The following SH3RF1 variants were observed in gnomAD, a reference collection of about 807,000 sequenced individuals.
The protein encoded by SH3RF1 is SH3 domain containing ring finger 1.
In SH3RF1, 32 loss-of-function variants were observed where a neutral mutation model predicts 74.0. That is an observed-to-expected ratio of 0.43 (90% CI 0.33 to 0.58). The LOEUF is 0.58. Ranked by LOEUF, SH3RF1 falls within the 20% of genes least tolerant of loss-of-function variation. The pLI is 0.05. For synonymous variants in SH3RF1, 396 were observed against 439.6 expected, an observed-to-expected ratio of 0.90 and a Z score of 1.24; for missense variants, 954 against 1,130.9, an observed-to-expected ratio of 0.84 and a Z score of 2.24.
intron 2 of SH3RF1, among the ~76,000 whole-genome samples, chr4:169,187,012 C>CA (rs11435790): frequency 0.57 from 71,998 of 127,168 alleles, 19,821 homozygotes; most frequent in East Asian, 0.88. Flanking sequence ...GGCTCCATCG[C>CA]AAAAAAAAAA....
At chr4:169,145,094 A>C (rs1352376520) in intron 4 of SH3RF1, among the ~76,000 whole-genome samples, 2 of 152,210 alleles carry the variant, frequency 1.3e-5, no homozygotes, top group African/African-American at 4.8e-5. Flanking sequence ...ATATACCCAA[A>C]GGAAAAGAAA....
intron 2 of SH3RF1, among the ~76,000 whole-genome samples, chr4:169,254,525 A>G (rs1163670386): frequency 6.6e-6 from 1 of 152,220 alleles, no homozygotes; most frequent in African/African-American, 2.4e-5. Flanking sequence ...AATTGCTGAC[A>G]CTATCGTAAA....
intron 2 of SH3RF1, among the ~76,000 whole-genome samples, chr4:169,183,893 T>A (rs765374089): frequency 6.6e-6 from 1 of 152,226 alleles, no homozygotes; most frequent in Non-Finnish European, 1.5e-5. Context: ...TTTATTTCTA[T>A]AAAATCATGA....
intron 4 of SH3RF1, among the ~76,000 whole-genome samples, chr4:169,152,173 G>A (rs1049625483): frequency 1.3e-5 from 2 of 152,078 alleles, no homozygotes; most frequent in Admixed American, 6.6e-5. Flanking sequence ...GTGAAGAAAG[G>A]GCCTGTCTAA....
At position 169,094,562 on chromosome 4, in the gene SH3RF1, T is replaced by G. The variant is rs1732880362; in HGVS notation, c.*1957A>C. ...CAGGTAAAAAAATTATCTTAACCTG[T>G]AGTAGTCTTTTTTCTTTTTAAAATT... On this transcript the variant is annotated 3_prime_UTR_variant, in exon 12 of 12. Coordinates refer to ENST00000284637, the MANE Select transcript of SH3RF1 (RefSeq NM_020870.4). The G allele has an allele frequency of 6.6e-6, 1 of 152,164 alleles. No individual in the cohort carries two copies. The highest frequency in any genetic ancestry group is 2.4e-5 in the African/African-American group (1 of 41,444). 9.4% of individuals were successfully genotyped at this position (152,164 alleles called of 1,614,324 possible). A position where few individuals can be genotyped will look rare whatever the true frequency, so the allele number is the denominator to read the frequency against.
chr4:169,178,278 T>G (rs1734453480), intron 2 of SH3RF1, among the ~76,000 whole-genome samples: 1 of 49,220 alleles, frequency 2.0e-5, no homozygotes, highest in Non-Finnish European at 4.9e-5. Context: ...AAAAATTTTT[T>G]TTTAAATAAG....
chr4:169,144,078 T>G (rs918138483), intron 4 of SH3RF1, among the ~76,000 whole-genome samples: 50 of 152,190 alleles, frequency 3.3e-4, no homozygotes, highest in African/African-American at 1.2e-3. Context: ...ATGGTTTTGG[T>G]TTCCCTAGCT....
chr4:169,255,628 C>T (rs1196506790), intron 2 of SH3RF1, among the ~76,000 whole-genome samples: 4 of 145,606 alleles, frequency 2.7e-5, no homozygotes, highest in Non-Finnish European at 6.0e-5. Flanking sequence ...CACATACACA[C>T]ACACACACAC....
rs1304608991 is a variant in SH3RF1 at position 169,096,478 on chromosome 4, G to A, written c.*41C>T. 1.3e-6 allele frequency: 2 copies of A among 1,597,030 alleles called. No individual in the cohort carries two copies. Among genetic ancestry groups the A allele is most frequent in the East Asian group, 2.2e-5 (1 of 44,784 alleles). The stretch of plus-strand genomic sequence containing the variant: ...CTGTTAAACTGCTTTGTGCTACTTT[G>A]TTGTGTGAAGTGATTTTAAGCTTCT... On this transcript the variant is annotated 3_prime_UTR_variant, in exon 12 of 12. Transcript: ENST00000284637.
intron 2 of SH3RF1, among the ~76,000 whole-genome samples, chr4:169,236,600 C>A (rs762432845): frequency 6.6e-6 from 1 of 152,132 alleles, no homozygotes; most frequent in African/African-American, 2.4e-5. Flanking sequence ...GCAACTACTT[C>A]GTAGTGTTGC....
intron 2 of SH3RF1, among the ~76,000 whole-genome samples, chr4:169,162,048 C>T (rs1008395118): frequency 3.9e-5 from 6 of 151,946 alleles, no homozygotes; most frequent in African/African-American, 1.5e-4. Context: ...GGTGGTGGTG[C>T]GCCTACAGTC....
At chr4:169,196,381 T>C (rs1734812034) in intron 2 of SH3RF1, among the ~76,000 whole-genome samples, 2 of 152,252 alleles carry the variant, frequency 1.3e-5, no homozygotes, top group Admixed American at 1.3e-4. Context: ...GGACCTGCTA[T>C]ATGTGTCATT....
At chr4:169,163,226 T>C (rs1000262652) in intron 2 of SH3RF1, among the ~76,000 whole-genome samples, 9 of 150,684 alleles carry the variant, frequency 6.0e-5, no homozygotes, top group Admixed American at 2.6e-4. Context: ...AAGAGTATAT[T>C]CAAACACCCA....
intron 2 of SH3RF1, among the ~76,000 whole-genome samples, chr4:169,158,094 AAGAC>A (rs1734090067): frequency 6.6e-6 from 1 of 152,236 alleles, no homozygotes; most frequent in African/African-American, 2.4e-5. Flanking sequence ...AAAGAAGAAT[AAGAC>A]AGTTCTTTTC....
chr4:169,149,128 C>T (rs1733937061), intron 4 of SH3RF1, among the ~76,000 whole-genome samples: 1 of 152,166 alleles, frequency 6.6e-6, no homozygotes, highest in Non-Finnish European at 1.5e-5. Context: ...ATTAACCGAT[C>T]TTTACAATCT....
At chr4:169,210,038 T>A (rs530255441) in intron 2 of SH3RF1, among the ~76,000 whole-genome samples, 1 of 152,166 alleles carries the variant, frequency 6.6e-6, no homozygotes, top group Non-Finnish European at 1.5e-5. Flanking sequence ...TCAAGCAATA[T>A]GCCTGTCTTG....
intron 7 of SH3RF1, 66 bp downstream of exon 7, chr4:169,122,034 G>A (rs1733443971): frequency 1.9e-6 from 3 of 1,581,482 alleles, no homozygotes; most frequent in Admixed American, 3.4e-5. Context: ...GGTGTTTCTT[G>A]ACCTCTGAGG....
chr4:169,150,958 C>G (rs896552180), intron 4 of SH3RF1, among the ~76,000 whole-genome samples: 8 of 152,094 alleles, frequency 5.3e-5, no homozygotes, highest in African/African-American at 1.9e-4. Context: ...CATAGACCAG[C>G]TGGTCTGAAG....
intron 4 of SH3RF1, among the ~76,000 whole-genome samples, chr4:169,145,004 A>G (rs1326931785): frequency 6.6e-6 from 1 of 152,084 alleles, no homozygotes; most frequent in Non-Finnish European, 1.5e-5. Context: ...CATCCAACCA[A>G]CGACCCAGAA....
Sources: gnomAD v4.1 joint callset for allele counts (sites outside exome capture counted in the v4.1 genomes callset) on GRCh38, gnomAD v4.1.1 for gene constraint, MANE v1.5 for transcripts, NCBI Gene and HGNC (gene_info 2026-07-23, HGNC 2026-07-21) for gene names.